Variants in TP53BP1 observed in about 807,000 individuals in gnomAD.
TP53BP1 encodes the protein TP53-binding protein 1.
Under a neutral mutation model 200.8 loss-of-function variants are expected in TP53BP1, and 61 were observed. That is an observed-to-expected ratio of 0.30 (90% CI 0.25 to 0.38). The LOEUF (loss-of-function observed/expected upper bound fraction) is 0.38, where lower values mean the gene tolerates loss of function less well. Ranked by LOEUF, TP53BP1 falls within the 10% of genes least tolerant of loss-of-function variation. TP53BP1 has a pLI of 1.00. For missense variants in TP53BP1, 2,144 were observed against 2,371.9 expected, an observed-to-expected ratio of 0.90 and a Z score of 2.00; for synonymous variants, 822 against 844.3, an observed-to-expected ratio of 0.97 and a Z score of 0.46.
At chr15:43,422,234 T>C in intron 18 of TP53BP1, 108 bp from the exon 19 acceptor site, 5 of 1,288,100 alleles carry the variant, frequency 3.9e-6, no homozygotes, top group Non-Finnish European at 5.3e-6. Context: ...TTCAAAAAGG[T>C]GAGAATCAGG....
chr15:43,464,117 C>T (rs903813907), intron 11 of TP53BP1, among the ~76,000 whole-genome samples: 5 of 152,170 alleles, frequency 3.3e-5, no homozygotes, highest in Non-Finnish European at 7.3e-5. Flanking sequence ...ACCACCCACT[C>T]AGAACTACTA....
At chr15:43,497,247 G>T (rs552190546), upstream of TP53BP1, among the ~76,000 whole-genome samples, 2 of 152,124 alleles carry the variant, frequency 1.3e-5, no homozygotes, top group African/African-American at 4.8e-5. Context: ...TACAATGGTG[G>T]TGTGCACCTG....
At chr15:43,469,217 C>T (rs1315744581) in intron 11 of TP53BP1, among the ~76,000 whole-genome samples, 3 of 152,070 alleles carry the variant, frequency 2.0e-5, no homozygotes, top group African/African-American at 7.2e-5. Context: ...TAAAATTATA[C>T]AAATTAATAG....
rs1391833287 is a variant in TP53BP1 at position 43,404,920 on chromosome 15, C to G, written c.*2463G>C. ...CGCATCTGTGAAAGGAGGCGACCAC[C>G]CCTTCTAACTCTAAACTTTAAAAAA... is the stretch of plus-strand genomic sequence containing the variant. On this transcript the variant is annotated 3_prime_UTR_variant, in exon 28 of 28. Coordinates refer to ENST00000382044, the MANE Select transcript of TP53BP1 (RefSeq NM_001141980.3). 2 of 514,156 alleles carry G rather than the reference C, an allele frequency of 3.9e-6. No homozygotes were observed. The highest frequency in any genetic ancestry group is 3.9e-5 in the African/African-American group (2 of 51,798). 31.8% of individuals were successfully genotyped at this position (514,156 alleles called of 1,614,324 possible).
chr15:43,411,116 C>T (rs1378914732), intron 24 of TP53BP1, among the ~76,000 whole-genome samples: 1 of 152,150 alleles, frequency 6.6e-6, no homozygotes, highest in African/African-American at 2.4e-5. Context: ...CTGCTTAATC[C>T]AGGACTGGTC....
intron 1 of TP53BP1, among the ~76,000 whole-genome samples, chr15:43,500,142 T>C (rs1352115186): frequency 6.6e-6 from 1 of 152,222 alleles, no homozygotes; most frequent in African/African-American, 2.4e-5. Flanking sequence ...TAACTGCCTA[T>C]TCAATATCTT....
chr15:43,457,671 C>CAAAA (rs56866996), intron 11 of TP53BP1, among the ~76,000 whole-genome samples: 21 of 19,110 alleles, frequency 1.1e-3, no homozygotes, highest in Non-Finnish European at 2.0e-3. Context: ...GACTCCATCT[C>CAAAA]AAAAAAAAAA....
At chr15:43,475,253 G>T (rs537788863) in intron 9 of TP53BP1, among the ~76,000 whole-genome samples, 1 of 152,274 alleles carries the variant, frequency 6.6e-6, no homozygotes, top group African/African-American at 2.4e-5. Context: ...TCCACCCTCT[G>T]CTATTAAATG....
upstream of TP53BP1, among the ~76,000 whole-genome samples, chr15:43,495,153 T>G (rs1566970556): frequency 1.3e-5 from 2 of 150,620 alleles, no homozygotes; most frequent in Non-Finnish European, 2.9e-5. Flanking sequence ...ATTGCAACAC[T>G]GTGCTCCAGC....
rs945103732 is a variant in TP53BP1 at position 43,469,958 on chromosome 15, T to G, written c.1289A>C (p.Glu430Ala). Residue 430 changes from glutamate (E) to alanine (A), a missense_variant, in exon 11 of 28, where the codon GAG becomes GCG. Coordinates refer to ENST00000382044, the MANE Select transcript of TP53BP1 (RefSeq NM_001141980.3). ...VELENPPLLPESTVSPQASTP... is the reference protein window; with the variant it reads ...VELENPPLLPASTVSPQASTP... ...TGAGGCTTGTGGTGATACAGTGGACTCAGGCAGGAGAGGGGGGTTTTCTAA... is the reference window on the plus strand; with the variant it reads ...TGAGGCTTGTGGTGATACAGTGGACGCAGGCAGGAGAGGGGGGTTTTCTAA... The G allele has an allele frequency of 2.5e-6, 4 of 1,613,956 alleles. No individual in the cohort carries two copies. The highest frequency in any genetic ancestry group is 3.4e-6 in the Non-Finnish European group (4 of 1,180,028).
intron 1 of TP53BP1, 91 bp downstream of exon 1, chr15:43,492,946 G>A: frequency 8.8e-7 from 1 of 1,141,694 alleles, no homozygotes; most frequent in Non-Finnish European, 1.2e-6. Context: ...CGCCATGCTT[G>A]CCACCCCGCC....
Position 43,491,695 on chromosome 15 carries a change from C to G in TP53BP1, c.345G>C (p.Gln115His), listed in dbSNP as rs777699778. 1 of 1,614,016 alleles carries G rather than the reference C, an allele frequency of 6.2e-7. No individual in the cohort carries two copies. Among genetic ancestry groups the G allele is most frequent in the Non-Finnish European group, 8.5e-7 (1 of 1,179,930 alleles). ...TGCTTGTCCTGTTTGGCTGAGGTAACTGCTCAATGACCTGACTGATGGAAC... is the reference window on the plus strand; with the variant it reads ...TGCTTGTCCTGTTTGGCTGAGGTAAGTGCTCAATGACCTGACTGATGGAAC... ...TCGSISQVIE[Q>H]LPQPNRTSSV... Residue 115 changes from glutamine (Q) to histidine (H), a missense_variant, in exon 4 of 28, where the codon CAG becomes CAC. Physicochemically the swap from Gln to His is conservative, Grantham distance 24. Transcript: ENST00000382044.
chr15:43,480,128 G>T, intron 5 of TP53BP1, 111 bp from the exon 6 acceptor site: 3 of 933,236 alleles, frequency 3.2e-6, no homozygotes, highest in African/African-American at 1.7e-5. Context: ...TCAAAGCCCT[G>T]TGCACCCCCC....
rs11390071 is a variant in TP53BP1, at chr15:43,440,526, C to CAA, written c.3098+998_3098+999dup. On this transcript the variant is annotated intron_variant, in intron 15 of 27. Coordinates refer to ENST00000382044, the MANE Select transcript of TP53BP1 (RefSeq NM_001141980.3). ...TGAGACTCCGTCTCAAAAAAAAAAACAAAAAAAAAACACTCTGTCTTGTAC... is the reference window on the plus strand; with the variant it reads ...TGAGACTCCGTCTCAAAAAAAAAAACAAAAAAAAAAAACACTCTGTCTTGTAC... Among the ~76,000 whole-genome samples, 23 of 138,898 alleles carry CAA rather than the reference C, an allele frequency of 1.7e-4. 1 individual carries two copies. Among genetic ancestry groups the CAA allele is most frequent in the South Asian group, 2.3e-4 (1 of 4,260 alleles). The allele number at this position is 138,898 out of a possible 152,430, so 91.1% of individuals were successfully genotyped here.
intron 16 of TP53BP1, among the ~76,000 whole-genome samples, chr15:43,437,037 T>C (rs1383981129): frequency 6.6e-6 from 1 of 151,232 alleles, no homozygotes; most frequent in African/African-American, 2.4e-5. Context: ...CACATGCCTG[T>C]AGTCCTAGCC....
chr15:43,426,739 G>A (rs975232690), intron 18 of TP53BP1, among the ~76,000 whole-genome samples: 2 of 151,756 alleles, frequency 1.3e-5, no homozygotes, highest in Non-Finnish European at 2.9e-5. Flanking sequence ...CTTGCCGGGC[G>A]CGGTGGCTCA....
chr15:43,496,782 C>T (rs928734115), upstream of TP53BP1, among the ~76,000 whole-genome samples: 1 of 152,076 alleles, frequency 6.6e-6, no homozygotes, highest in African/African-American at 2.4e-5. Context: ...TGCAACACAC[C>T]TGGCTAATTT....
At chr15:43,496,006 T>C (rs372698878), upstream of TP53BP1, among the ~76,000 whole-genome samples, 1 of 152,210 alleles carries the variant, frequency 6.6e-6, no homozygotes. Flanking sequence ...GGCAGAATGG[T>C]TGCAGCTAGA....
chr15:43,495,807 A>AC (rs1467639105), upstream of TP53BP1, among the ~76,000 whole-genome samples: 4 of 143,404 alleles, frequency 2.8e-5, no homozygotes, highest in African/African-American at 7.8e-5. Flanking sequence ...ACAGAGTGAG[A>AC]CCCCGTCTCA....
Sources: allele counts gnomAD v4.1 joint callset (sites outside exome capture counted in the v4.1 genomes callset), GRCh38; gene constraint gnomAD v4.1.1; transcripts MANE v1.5; gene names NCBI Gene and HGNC (gene_info 2026-07-23, HGNC 2026-07-21).